Variants in KCNH5 observed in about 807,000 individuals in gnomAD.
KCNH5 encodes the protein potassium voltage-gated channel subfamily H member 5, also known as voltage-gated delayed rectifier potassium channel KCNH5.
Under a neutral mutation model 96.1 loss-of-function variants are expected in KCNH5, and 46 were observed. The ratio of observed to expected loss-of-function variants is 0.48; its 90% CI spans 0.38 to 0.61. The LOEUF is 0.61. KCNH5 is among the 20% of genes least tolerant of loss of function. The probability of loss-of-function intolerance (pLI) is 0.00; values close to 1 mark genes in which losing one functional copy is unlikely to be tolerated. For synonymous variants in KCNH5, 439 were observed against 449.8 expected, an observed-to-expected ratio of 0.98 and a Z score of 0.30; for missense variants, 907 against 1,225.8, an observed-to-expected ratio of 0.74 and a Z score of 3.88.
chr14:62,988,443 T>C (rs548307195), intron 4 of KCNH5, among the ~76,000 whole-genome samples: 2 of 152,212 alleles, frequency 1.3e-5, no homozygotes, highest in South Asian at 4.1e-4. Flanking sequence ...AACCATAAAA[T>C]GCAGGTGACA....
intron 10 of KCNH5, among the ~76,000 whole-genome samples, chr14:62,736,919 C>T (rs1328729389): frequency 6.6e-6 from 1 of 152,152 alleles, no homozygotes; most frequent in Admixed American, 6.6e-5. Flanking sequence ...CACCACAGTA[C>T]AGGCTAACTG....
chr14:62,914,120 A>C (rs1186566434), intron 7 of KCNH5, among the ~76,000 whole-genome samples: 1 of 152,218 alleles, frequency 6.6e-6, no homozygotes, highest in Admixed American at 6.5e-5. Flanking sequence ...TATTACAAAA[A>C]TTAAATTTGC....
At chr14:62,763,818 C>A (rs1885803883) in intron 10 of KCNH5, among the ~76,000 whole-genome samples, 1 of 152,104 alleles carries the variant, frequency 6.6e-6, no homozygotes, top group African/African-American at 2.4e-5. Context: ...CATGCAACCT[C>A]CCAAAATTAA....
At chr14:62,841,190 G>C (rs1887577685) in intron 8 of KCNH5, among the ~76,000 whole-genome samples, 1 of 151,950 alleles carries the variant, frequency 6.6e-6, no homozygotes, top group Non-Finnish European at 1.5e-5. Flanking sequence ...AACAAACGCA[G>C]TCAAATAATA....
At chr14:62,994,394 G>A (rs1890868791) in intron 4 of KCNH5, among the ~76,000 whole-genome samples, 1 of 151,930 alleles carries the variant, frequency 6.6e-6, no homozygotes, top group African/African-American at 2.4e-5. Flanking sequence ...AGTATAAATG[G>A]GCAGAGATTT....
intron 8 of KCNH5, among the ~76,000 whole-genome samples, chr14:62,821,986 A>G (rs1887124327): frequency 6.6e-6 from 1 of 152,174 alleles, no homozygotes; most frequent in East Asian, 1.9e-4. Context: ...ATAATAATGA[A>G]CATGTGGAAA....
rs187631804 is a variant in KCNH5 at position 62,823,626 on chromosome 14, T to C, written c.1570-21045A>G. On this transcript the variant is annotated intron_variant, in intron 8 of 10. Transcript: ENST00000322893. ...TTGAAAGGCCAGCAGAAATTCCTAT[T>C]GGTCATTATTATAAACACTTCAGAT... Among the ~76,000 whole-genome samples the C allele has an allele frequency of 9.9e-5, 15 of 152,234 alleles. No homozygotes were observed. In the East Asian group the frequency reaches 2.1e-3, roughly 22 times the overall value.
At chr14:62,958,227 C>T (rs778228330) in intron 6 of KCNH5, among the ~76,000 whole-genome samples, 11 of 152,110 alleles carry the variant, frequency 7.2e-5, no homozygotes, top group South Asian at 2.1e-4. Context: ...CATGGATTGA[C>T]GCCAACAAAT....
At chr14:62,713,180 C>T (rs145475822) in intron 10 of KCNH5, among the ~76,000 whole-genome samples, 1,719 of 152,296 alleles carry the variant, frequency 0.011, 46 homozygotes, top group Admixed American at 0.062. Context: ...AAATGTATGA[C>T]GTGGTGCGTC....
intron 10 of KCNH5, among the ~76,000 whole-genome samples, chr14:62,717,259 C>T (rs1407281617): frequency 6.6e-6 from 1 of 152,088 alleles, no homozygotes; most frequent in East Asian, 1.9e-4. Context: ...ATTTCAACAG[C>T]CCATTTTTCA....
At position 62,761,018 on chromosome 14, in the gene KCNH5, A is replaced by G. The variant is rs1885735328; in HGVS notation, c.2019+18710T>C. Reference sequence around the variant, plus strand: ...TTTTTCACAGCCTGAATTCACCATAAACACCTTGAAATCCCTCCTTTGAAT... The same window carrying G: ...TTTTTCACAGCCTGAATTCACCATAGACACCTTGAAATCCCTCCTTTGAAT... On this transcript the variant is annotated intron_variant, in intron 10 of 10. Transcript: ENST00000322893. Among the ~76,000 whole-genome samples, 3 of 152,152 alleles carry G rather than the reference A, an allele frequency of 2.0e-5. No individual in the cohort carries two copies. In the South Asian group the frequency reaches 6.2e-4, roughly 32 times the overall value.
In KCNH5 at chr14:62,983,122, C is replaced by T. The variant is rs531088862; in HGVS notation, c.550-1858G>A. ...ATAAATCAAACTTGGGAAATAAGAA[C>T]AAACTCAGTACCAGGGTGCATTACC... On this transcript the variant is annotated intron_variant, in intron 5 of 10. Coordinates refer to ENST00000322893, the MANE Select transcript of KCNH5 (RefSeq NM_139318.5). 4.3e-4 allele frequency among the ~76,000 whole-genome samples: 65 copies of T among 152,214 alleles called. 1 individual carries two copies. Among genetic ancestry groups the T allele is most frequent in the African/African-American group, 1.5e-3 (64 of 41,556 alleles).
chr14:62,823,298 C>T (rs1400973825), intron 8 of KCNH5, among the ~76,000 whole-genome samples: 1 of 152,036 alleles, frequency 6.6e-6, no homozygotes, highest in Non-Finnish European at 1.5e-5. Flanking sequence ...TAATCATTTT[C>T]TGCACTTAGA....
At chr14:63,032,912 A>G (rs1230091833) in intron 1 of KCNH5, among the ~76,000 whole-genome samples, 1 of 152,122 alleles carries the variant, frequency 6.6e-6, no homozygotes, top group Non-Finnish European at 1.5e-5. Flanking sequence ...TTCCCATCTC[A>G]AGGATATCTT....
chr14:62,703,190 A>G lies in KCNH5; in HGVS notation c.*4318T>C, dbSNP rs997937828. On this transcript the variant is annotated 3_prime_UTR_variant, in exon 11 of 11. Transcript: ENST00000322893. ...TTGATTTGTAGTTCTAAATTCCCAC[A>G]TAAGTATGAAGTTTTATGCTTACCT... 6.6e-6 allele frequency: 1 copy of G among 151,922 alleles called. No individual in the cohort carries two copies. The highest frequency in any genetic ancestry group is 2.4e-5 in the African/African-American group (1 of 41,436). 9.4% of individuals were successfully genotyped at this position (151,922 alleles called of 1,614,324 possible).
intron 5 of KCNH5, among the ~76,000 whole-genome samples, chr14:62,982,299 A>T (rs1205323342): frequency 6.6e-6 from 1 of 152,212 alleles, no homozygotes; most frequent in Non-Finnish European, 1.5e-5. Context: ...ACTGCACTCC[A>T]GCCTGGCGAC....
chr14:62,767,532 T>C (rs1377185859), intron 10 of KCNH5, among the ~76,000 whole-genome samples: 3 of 152,198 alleles, frequency 2.0e-5, no homozygotes, highest in East Asian at 1.9e-4. Flanking sequence ...GTAATGCAGA[T>C]ACAGCAGGAG....
chr14:62,770,735 G>A (rs556465067), intron 10 of KCNH5, among the ~76,000 whole-genome samples: 1 of 152,214 alleles, frequency 6.6e-6, no homozygotes, highest in Non-Finnish European at 1.5e-5. Context: ...AGCACTGAAT[G>A]TTGTTGCTGC....
chr14:62,909,032 ATTTTTTTTTTTTTTTTTTTT>A (rs58920666), intron 7 of KCNH5, among the ~76,000 whole-genome samples: 1 of 57,894 alleles, frequency 1.7e-5, no homozygotes, highest in Non-Finnish European at 2.9e-5. Flanking sequence ...TATGCTACGT[ATTTTTTTTTTTTTTTTTTTT>A]TTTTTTTTTT....
Sources: allele counts gnomAD v4.1 joint callset (sites outside exome capture counted in the v4.1 genomes callset), GRCh38; gene constraint gnomAD v4.1.1; transcripts MANE v1.5; gene names NCBI Gene and HGNC (gene_info 2026-07-23, HGNC 2026-07-21).